Variants in ALG5 observed in about 807,000 individuals in gnomAD.
The protein encoded by ALG5 is dolichyl-phosphate beta-glucosyltransferase.
ALG5 carries 26 observed loss-of-function variants against 51.8 expected under a neutral mutation model. The observed-to-expected ratio is 0.50, with a 90% CI of 0.37 to 0.70. ALG5 has a LOEUF of 0.70. Among genes scored for constraint, ALG5 ranks in the 30% least tolerant of loss-of-function variants. ALG5 has a pLI of 0.00. For missense variants in ALG5, 311 were observed against 399.3 expected, an observed-to-expected ratio of 0.78 and a Z score of 1.88; for synonymous variants, 141 against 136.1, an observed-to-expected ratio of 1.04 and a Z score of -0.25.
At chr13:36,966,096 G>C (rs1489390767) in intron 7 of ALG5, among the ~76,000 whole-genome samples, 1 of 152,148 alleles carries the variant, frequency 6.6e-6, no homozygotes, top group Non-Finnish European at 1.5e-5. Flanking sequence ...TTTCAAAAAA[G>C]CTGTCAGTTT....
chr13:36,965,678 A>G lies in ALG5; in HGVS notation c.670T>C (p.Trp224Arg), dbSNP rs752646182. 1 of 1,614,130 alleles carries G rather than the reference A, an allele frequency of 6.2e-7. No individual in the cohort carries two copies. ...LLMYGFHFLV[W>R]FLCVKGIRDT... ...CTGATTCCTTTGACACAAAGGAACC[A>G]CACCAGAAAGTGGAACCCATACATG... The change falls in exon 8 of 10, where the codon TGG becomes CGG. Residue 224 changes from tryptophan (W) to arginine (R), a missense_variant. By Grantham distance (101) the Trp-to-Arg change is moderately radical. Transcript: ENST00000239891.
chr13:36,981,950 G>T (rs1208335749), intron 6 of ALG5, among the ~76,000 whole-genome samples: 1 of 152,168 alleles, frequency 6.6e-6, no homozygotes, highest in East Asian at 1.9e-4. Context: ...AATTAGCCGG[G>T]CATGGTGGCA....
At chr13:36,975,842 G>A (rs751798652) in intron 6 of ALG5, among the ~76,000 whole-genome samples, 4 of 151,830 alleles carry the variant, frequency 2.6e-5, no homozygotes, top group African/African-American at 9.7e-5. Context: ...GCAACATAGC[G>A]AAACCCCATC....
chr13:36,985,659 C>CAACAAG lies in ALG5; in HGVS notation c.528_529insCTTGTT (p.Leu176_Glu177insLeuVal), dbSNP rs2058998921. The CAACAAG allele has an allele frequency of 6.2e-7, 1 of 1,613,572 alleles. No homozygotes were observed. Among genetic ancestry groups the CAACAAG allele is most frequent in the Non-Finnish European group, 8.5e-7 (1 of 1,179,842 alleles). On this transcript the variant is annotated inframe_insertion, in exon 6 of 10. Transcript: ENST00000239891. Reference sequence around the variant, plus strand: ...GGCTGTAGATCATTTAGCCCCTTTTCTAATTTCTCAACATCTGGAAACTTT... The same window carrying CAACAAG: ...GGCTGTAGATCATTTAGCCCCTTTTCAACAAGTAATTTCTCAACATCTGGAAACTTT...
At chr13:36,958,702 C>A (rs976177831) in intron 8 of ALG5, among the ~76,000 whole-genome samples, 7 of 152,154 alleles carry the variant, frequency 4.6e-5, no homozygotes, top group Non-Finnish European at 8.8e-5. Context: ...AATTCCTTAG[C>A]CTAGCTGGGA....
In ALG5 at chr13:36,993,760, G is replaced by A. The variant is rs2059036129; in HGVS notation, c.286-88C>T. The A allele has an allele frequency of 3.9e-6, 4 of 1,028,518 alleles. No individual in the cohort carries two copies. In the South Asian group the frequency reaches 5.2e-5, roughly 13 times the overall value. The allele number at this position is 1,028,518 out of a possible 1,614,324, so 63.7% of individuals were successfully genotyped here. A position where few individuals can be genotyped will look rare whatever the true frequency, so the allele number is the denominator to read the frequency against. ...ATCACCAGTAATTTAAAAAACAACTGCTTTAGTGTTGATACATATAAATTT... is the reference window on the plus strand; with the variant it reads ...ATCACCAGTAATTTAAAAAACAACTACTTTAGTGTTGATACATATAAATTT... On this transcript the variant is annotated intron_variant, in intron 3 of 9. Coordinates refer to ENST00000239891, the MANE Select transcript of ALG5 (RefSeq NM_013338.5).
chr13:36,964,071 A>G (rs2058880750), intron 8 of ALG5, among the ~76,000 whole-genome samples: 1 of 152,200 alleles, frequency 6.6e-6, no homozygotes, highest in Non-Finnish European at 1.5e-5. Flanking sequence ...AAAACTACAA[A>G]TGTCATAGGT....
chr13:36,970,253 C>T (rs1365376363), intron 7 of ALG5, among the ~76,000 whole-genome samples: 3 of 152,074 alleles, frequency 2.0e-5, no homozygotes, highest in Admixed American at 6.6e-5. Context: ...CTTTTTCAAA[C>T]ATCAGTGAGA....
At position 36,999,290 on chromosome 13, in the gene ALG5, A is replaced by G; in HGVS notation, c.11T>C (p.Leu4Pro). The change falls in exon 1 of 10, where the codon CTT becomes CCT. Residue 4 changes from leucine to proline, a missense_variant. By Grantham distance (98) the Leu-to-Pro change is moderately conservative. Coordinates refer to ENST00000239891, the MANE Select transcript of ALG5 (RefSeq NM_013338.5). Reference sequence around the variant, plus strand: ...GCCGAGCACCGCCAGCTGCAACAGAAGCGGAGCCATTCTCCATGCCGTGGC... The same window carrying G: ...GCCGAGCACCGCCAGCTGCAACAGAGGCGGAGCCATTCTCCATGCCGTGGC... MAPLLLQLAVLGAA... is the reference protein window; with the variant it reads MAPPLLQLAVLGAA... The G allele has an allele frequency of 1.3e-6, 2 of 1,577,996 alleles. No homozygotes were observed. Among genetic ancestry groups the G allele is most frequent in the Non-Finnish European group, 1.7e-6 (2 of 1,164,982 alleles).
chr13:36,965,514 C>A, intron 8 of ALG5, 61 bp downstream of exon 8: 2 of 1,503,540 alleles, frequency 1.3e-6, no homozygotes, highest in South Asian at 1.3e-5. Flanking sequence ...GGCTGTTTCT[C>A]ATTACCTAGA....
intron 8 of ALG5, among the ~76,000 whole-genome samples, chr13:36,955,940 G>C (rs2058838186): frequency 1.3e-5 from 2 of 152,206 alleles, no homozygotes; most frequent in East Asian, 3.9e-4. Flanking sequence ...ACTGGTCTGG[G>C]CCATGTGTTT....
intron 6 of ALG5, among the ~76,000 whole-genome samples, chr13:36,976,428 A>C (rs2058951296): frequency 7.8e-6 from 1 of 128,692 alleles, no homozygotes; most frequent in African/African-American, 4.4e-5. Flanking sequence ...TCTGTCTCAA[A>C]AAAAAAAAAA....
chr13:36,981,778 A>G (rs1292658484), intron 6 of ALG5, among the ~76,000 whole-genome samples: 1 of 152,232 alleles, frequency 6.6e-6, no homozygotes, highest in Non-Finnish European at 1.5e-5. Context: ...AGAAAAAAAT[A>G]TGCTATGTTT....
At chr13:36,995,105 A>G (rs1263453234) in intron 2 of ALG5, 70 bp from the exon 3 acceptor site, 1 of 1,364,696 alleles carries the variant, frequency 7.3e-7, no homozygotes, top group Non-Finnish European at 1.0e-6. Flanking sequence ...TTCAGCTTAC[A>G]TACAGAAAAA....
At chr13:36,960,399 G>A (rs540706404) in intron 8 of ALG5, among the ~76,000 whole-genome samples, 2 of 151,876 alleles carry the variant, frequency 1.3e-5, no homozygotes, top group Admixed American at 6.6e-5. Context: ...TGGAAATTGG[G>A]GCAAGGAATT....
chr13:36,976,975 CATTTCAAAGA>C (rs1373408401), intron 6 of ALG5, among the ~76,000 whole-genome samples: 1 of 152,152 alleles, frequency 6.6e-6, no homozygotes, highest in Non-Finnish European at 1.5e-5. Context: ...CATACTTCTC[CATTTCAAAGA>C]TTCATGAGTA....
chr13:36,957,942 C>G (rs1034266953), intron 8 of ALG5, among the ~76,000 whole-genome samples: 2 of 152,068 alleles, frequency 1.3e-5, no homozygotes, highest in Non-Finnish European at 2.9e-5. Flanking sequence ...TTTTATCTAC[C>G]CCAACCGCGT....
chr13:36,977,838 G>GTATATATT (rs2058960348), intron 6 of ALG5, among the ~76,000 whole-genome samples: 1 of 121,380 alleles, frequency 8.2e-6, no homozygotes, highest in South Asian at 2.7e-4. Flanking sequence ...AAGAAGTAAA[G>GTATATATT]TATATATTAT....
intron 6 of ALG5, among the ~76,000 whole-genome samples, chr13:36,979,458 A>C (rs1233641528): frequency 6.6e-6 from 1 of 152,232 alleles, no homozygotes; most frequent in African/African-American, 2.4e-5. Context: ...GTCCACAAAA[A>C]AAGGGAGAAG....
Sources: gnomAD v4.1 joint callset for allele counts (sites outside exome capture counted in the v4.1 genomes callset) on GRCh38, gnomAD v4.1.1 for gene constraint, MANE v1.5 for transcripts, NCBI Gene and HGNC (gene_info 2026-07-23, HGNC 2026-07-21) for gene names.